The following PHEX variants were observed in gnomAD, a reference collection of about 807,000 sequenced individuals.
The protein encoded by PHEX is phosphate-regulating neutral endopeptidase PHEX.
PHEX carries 16 observed loss-of-function variants against 68.0 expected under a neutral mutation model. The observed-to-expected ratio is 0.24, with a 90% CI of 0.16 to 0.36. PHEX has a LOEUF of 0.36. PHEX is among the 10% of genes least tolerant of loss of function. The probability of loss-of-function intolerance (pLI) is 1.00; values close to 1 mark genes in which losing one functional copy is unlikely to be tolerated. For synonymous variants in PHEX, 208 were observed against 205.1 expected (o/e 1.01, Z -0.12); for missense variants, 480 against 575.5 (o/e 0.83, Z 1.70).
At chrX:22,187,313 C>T (rs756201176) in intron 14 of PHEX, among the ~76,000 whole-genome samples, 2 of 111,689 alleles carry the variant, frequency 1.8e-5, no homozygotes, top group East Asian at 5.7e-4. Context: ...TCTTTACTTC[C>T]TTGCTGGCTA....
intron 2 of PHEX, among the ~76,000 whole-genome samples, chrX:22,042,434 C>G (rs1012200651): frequency 3.6e-5 from 4 of 111,997 alleles, no homozygotes; most frequent in Non-Finnish European, 7.5e-5. Flanking sequence ...GCCTCAGTCT[C>G]ACCAAGTGTG....
At chrX:22,046,504 G>A in intron 2 of PHEX, among the ~76,000 whole-genome samples, 1 of 108,258 alleles carries the variant, frequency 9.2e-6, no homozygotes, top group Non-Finnish European at 1.9e-5. Context: ...CCCCACAGAT[G>A]TTAGGGATGG....
chrX:22,162,686 T>C (rs746098357), intron 12 of PHEX: 3 of 111,436 alleles, frequency 2.7e-5, no homozygotes, highest in African/African-American at 6.5e-5. Context: ...TAAAGGAGAG[T>C]GTGTTAGGAT....
At position 22,248,927 on chromosome X, in the gene PHEX, T is replaced by TCC. The variant is rs1231882431; in HGVS notation, c.*976_*977dup. ...CCATTAGGAACATATGATTTTCATT[T>TCC]CCCTTTAGTGCAAAGGAACAAACAT... On this transcript the variant is annotated 3_prime_UTR_variant, in exon 22 of 22. Transcript: ENST00000379374. The TCC allele has an allele frequency of 9.6e-6, 1 of 103,762 alleles. No individual in the cohort carries two copies. Among genetic ancestry groups the TCC allele is most frequent in the East Asian group, 2.9e-4 (1 of 3,467 alleles). The allele number at this position is 103,762 out of a possible 1,213,427, so 8.6% of individuals were successfully genotyped here.
intron 11 of PHEX, among the ~76,000 whole-genome samples, chrX:22,128,754 C>G (rs1294139978): frequency 9.1e-6 from 1 of 110,344 alleles, no homozygotes; most frequent in African/African-American, 3.3e-5. Flanking sequence ...ATTGCTACAT[C>G]CTGGCCAGGG....
At chrX:22,205,801 CTTAAAA>C (rs1343562797) in intron 15 of PHEX, among the ~76,000 whole-genome samples, 2 of 111,133 alleles carry the variant, frequency 1.8e-5, no homozygotes, top group Non-Finnish European at 3.8e-5. Context: ...GAATATGGAA[CTTAAAA>C]TTAATGCTGC....
At chrX:22,055,141 C>G (rs1350324833) in intron 3 of PHEX, among the ~76,000 whole-genome samples, 2 of 94,691 alleles carry the variant, frequency 2.1e-5, no homozygotes, top group African/African-American at 7.6e-5. Flanking sequence ...CACCACTGCA[C>G]TCCAGTCCGG....
chrX:22,118,370 C>T (rs184170933), intron 11 of PHEX, among the ~76,000 whole-genome samples: 1,162 of 97,343 alleles, frequency 0.012, 20 homozygotes, highest in South Asian at 0.035. Flanking sequence ...AAAAAAGCCT[C>T]GGTGACTCAC....
chrX:22,160,685 A>C (rs548410487), intron 12 of PHEX, among the ~76,000 whole-genome samples: 1 of 111,569 alleles, frequency 9.0e-6, no homozygotes, highest in African/African-American at 3.3e-5. Flanking sequence ...TCATGAATCA[A>C]TTACCTCCCA....
At chrX:22,114,036 G>A (rs1012943014) in intron 10 of PHEX, among the ~76,000 whole-genome samples, 2 of 89,588 alleles carry the variant, frequency 2.2e-5, no homozygotes, top group Non-Finnish European at 4.2e-5. Context: ...TGCAACCACC[G>A]CTTCCTGGGT....
chrX:22,036,054 AT>A (rs72347239), intron 1 of PHEX, among the ~76,000 whole-genome samples: 955 of 56,529 alleles, frequency 0.017, 10 homozygotes, highest in African/African-American at 0.056. Flanking sequence ...ATATATATAT[AT>A]TTTTTTTTTT....
At chrX:22,118,278 G>A (rs1464837840) in intron 11 of PHEX, among the ~76,000 whole-genome samples, 1 of 95,798 alleles carries the variant, frequency 1.0e-5, no homozygotes, top group Non-Finnish European at 2.0e-5. Context: ...GCTGCTGCTG[G>A]TCGTGGACCA....
At chrX:22,116,604 T>C (rs1272552416) in intron 11 of PHEX, among the ~76,000 whole-genome samples, 1 of 111,550 alleles carries the variant, frequency 9.0e-6, no homozygotes, top group Admixed American at 9.5e-5. Flanking sequence ...TATCAGTACA[T>C]AGTCATTATT....
chrX:22,094,248 G>C, intron 7 of PHEX, 149 bp downstream of exon 7: 1 of 401,330 alleles, frequency 2.5e-6, no homozygotes, highest in East Asian at 5.2e-5. Flanking sequence ...TTGCCCATTG[G>C]GCCCAAGGTA....
rs763279791 is a variant in PHEX, at chrX:22,168,285, C to T, written c.1405-27C>T. The T allele has an allele frequency of 4.7e-6, 5 of 1,072,178 alleles. No homozygotes were observed. In the South Asian group the frequency reaches 5.6e-5, roughly 12 times the overall value. The allele number at this position is 1,072,178 out of a possible 1,213,427, so 88.4% of individuals were successfully genotyped here. A position where few individuals can be genotyped will look rare whatever the true frequency, so the allele number is the denominator to read the frequency against. ...AATGATTTAAGTGCTGAAACTCTGA[C>T]ATTATTTTTCTTTTTCCTTTTTGTA... On this transcript the variant is annotated intron_variant, in intron 12 of 21. Transcript: ENST00000379374.
intron 12 of PHEX, among the ~76,000 whole-genome samples, chrX:22,150,852 G>A (rs752925648): frequency 3.6e-5 from 4 of 112,414 alleles, no homozygotes; most frequent in Non-Finnish European, 7.5e-5. Flanking sequence ...CTTGGTTGTG[G>A]CTCATTGCTT....
chrX:22,061,037 C>G (rs1361591286), intron 3 of PHEX, among the ~76,000 whole-genome samples: 2 of 111,719 alleles, frequency 1.8e-5, no homozygotes, highest in East Asian at 2.8e-4. Context: ...ATTCCTGAAG[C>G]TTCTCCAAGG....
chrX:22,192,636 C>G (rs775770795), intron 15 of PHEX, among the ~76,000 whole-genome samples: 152 of 112,017 alleles, frequency 1.4e-3, no homozygotes, highest in Middle Eastern at 4.6e-3. Flanking sequence ...AGCATTTATA[C>G]CTGGGGTTGG....
At chrX:22,131,804 T>C (rs968466792) in intron 11 of PHEX, among the ~76,000 whole-genome samples, 3 of 112,427 alleles carry the variant, frequency 2.7e-5, no homozygotes, top group Admixed American at 1.9e-4. Flanking sequence ...CCCAGTGTTT[T>C]TTTTTTCTTG....
Sources: gnomAD v4.1 joint callset for allele counts (sites outside exome capture counted in the v4.1 genomes callset) on GRCh38, gnomAD v4.1.1 for gene constraint, MANE v1.5 for transcripts, NCBI Gene and HGNC (gene_info 2026-07-23, HGNC 2026-07-21) for gene names.